GMDS: variants seen among roughly 807,000 people sequenced by gnomAD.
The protein encoded by GMDS is GDP-mannose 4,6 dehydratase.
In GMDS, 20 loss-of-function variants were observed where a neutral mutation model predicts 49.9. That is an observed-to-expected ratio of 0.40 (90% CI 0.28 to 0.58). GMDS has a LOEUF of 0.58. Among genes scored for constraint, GMDS ranks in the 20% least tolerant of loss-of-function variants. The probability of loss-of-function intolerance (pLI) is 0.42; values close to 1 mark genes in which losing one functional copy is unlikely to be tolerated. For missense variants in GMDS, 362 were observed against 481.4 expected (o/e 0.75, Z 2.32); for synonymous variants, 177 against 178.6 (o/e 0.99, Z 0.07).
chr6:1,718,753 T>C (rs1766263819), intron 9 of GMDS, among the ~76,000 whole-genome samples: 1 of 150,196 alleles, frequency 6.7e-6, no homozygotes, highest in African/African-American at 2.4e-5. Context: ...AACTCAACCA[T>C]GTATTTTCAT....
intron 4 of GMDS, among the ~76,000 whole-genome samples, chr6:2,038,058 T>TG (rs922038623): frequency 5.3e-5 from 8 of 152,112 alleles, no homozygotes; most frequent in East Asian, 1.9e-4. Flanking sequence ...TAAAGAGGGT[T>TG]GGGGGGGAGG....
At chr6:2,090,178 T>C (rs1458798770) in intron 4 of GMDS, among the ~76,000 whole-genome samples, 2 of 152,198 alleles carry the variant, frequency 1.3e-5, no homozygotes, top group East Asian at 1.9e-4. Flanking sequence ...TTGTTTTCAA[T>C]AGAAGATTTG....
intron 1 of GMDS, among the ~76,000 whole-genome samples, chr6:2,242,459 C>T (rs572957463): frequency 1.1e-4 from 16 of 152,296 alleles, no homozygotes; most frequent in African/African-American, 3.6e-4. Flanking sequence ...CCTGACAATA[C>T]GTACTAGAGA....
At chr6:1,931,843 C>T (rs1762300536) in intron 6 of GMDS, among the ~76,000 whole-genome samples, 2 of 152,154 alleles carry the variant, frequency 1.3e-5, no homozygotes, top group African/African-American at 4.8e-5. Flanking sequence ...CCTATTCATA[C>T]AATTTATTGA....
intron 7 of GMDS, among the ~76,000 whole-genome samples, chr6:1,790,872 A>C (rs1270153463): frequency 2.0e-5 from 3 of 152,080 alleles, no homozygotes; most frequent in Non-Finnish European, 4.4e-5. Flanking sequence ...CCTAACTCCT[A>C]ATCAGTGACT....
intron 4 of GMDS, among the ~76,000 whole-genome samples, chr6:2,035,741 C>T (rs188551532): frequency 1.5e-3 from 235 of 152,072 alleles, no homozygotes; most frequent in Non-Finnish European, 2.8e-3. Context: ...GGCTGGAGTG[C>T]AATGGTGCAA....
At chr6:1,728,074 G>A (rs922778344) in intron 8 of GMDS, among the ~76,000 whole-genome samples, 13 of 152,278 alleles carry the variant, frequency 8.5e-5, no homozygotes, top group Non-Finnish European at 1.6e-4. Context: ...AAAATTCACC[G>A]GGAAACGGTA....
chr6:2,157,357 T>C (rs998078217), intron 1 of GMDS, among the ~76,000 whole-genome samples: 2 of 152,224 alleles, frequency 1.3e-5, no homozygotes, highest in Non-Finnish European at 2.9e-5. Flanking sequence ...TTTGTCTTCT[T>C]TCTGACTGTG....
chr6:1,687,650 C>A (rs745832720), intron 9 of GMDS, among the ~76,000 whole-genome samples: 3 of 152,040 alleles, frequency 2.0e-5, no homozygotes, highest in Non-Finnish European at 4.4e-5. Context: ...TCCATTCTAG[C>A]GGGAGGAGAG....
At chr6:1,760,998 A>G (rs1286838629) in intron 7 of GMDS, among the ~76,000 whole-genome samples, 1 of 152,172 alleles carries the variant, frequency 6.6e-6, no homozygotes, top group Non-Finnish European at 1.5e-5. Context: ...TAAGAAAACA[A>G]TGATTGTAAC....
intron 7 of GMDS, among the ~76,000 whole-genome samples, chr6:1,799,385 C>T (rs148986107): frequency 3.1e-4 from 47 of 152,304 alleles, no homozygotes; most frequent in Middle Eastern, 3.4e-3. Context: ...CTTGGCAACA[C>T]GGTGCCTTTT....
At chr6:1,642,865 C>T (rs1252661168) in intron 9 of GMDS, among the ~76,000 whole-genome samples, 2 of 152,208 alleles carry the variant, frequency 1.3e-5, no homozygotes, top group Non-Finnish European at 2.9e-5. Flanking sequence ...AGCCGGGCCC[C>T]ACGAAGCCCC....
At chr6:1,655,475 T>TCACACACA (rs1763843270) in intron 9 of GMDS, among the ~76,000 whole-genome samples, 1 of 99,924 alleles carries the variant, frequency 1.0e-5, no homozygotes, top group Non-Finnish European at 2.2e-5. Flanking sequence ...TTTGAAAGCC[T>TCACACACA]TACACACACA....
chr6:1,834,567 TATG>T (rs1489397226), intron 7 of GMDS, among the ~76,000 whole-genome samples: 1 of 152,204 alleles, frequency 6.6e-6, no homozygotes, highest in East Asian at 1.9e-4. Flanking sequence ...GCATCAGAAG[TATG>T]TTAAGCTTTT....
intron 1 of GMDS, among the ~76,000 whole-genome samples, chr6:2,177,096 T>G (rs1266518652): frequency 6.6e-6 from 1 of 152,074 alleles, no homozygotes; most frequent in East Asian, 1.9e-4. Flanking sequence ...AACGCCAGCC[T>G]TGGTAAGCAG....
chr6:1,778,779 G>A lies in GMDS; in HGVS notation c.772-36193C>T, dbSNP rs1768952407. 1.3e-5 allele frequency among the ~76,000 whole-genome samples: 2 copies of A among 152,134 alleles called. No individual in the cohort carries two copies. The highest frequency in any genetic ancestry group is 2.4e-5 in the African/African-American group (1 of 41,430). The stretch of plus-strand genomic sequence containing the variant: ...ACCTCAAAGCTCGTCGACAGCAGCA[G>A]CCTGACCAGTGTGGGCCAGGACTGT... On this transcript the variant is annotated intron_variant, in intron 7 of 10. Coordinates refer to ENST00000380815, the MANE Select transcript of GMDS (RefSeq NM_001500.4). The surrounding 1 kb of genome is among the most constrained non-coding windows in gnomAD (Gnocchi z 4.6).
intron 4 of GMDS, among the ~76,000 whole-genome samples, chr6:2,099,277 C>G (rs1464151882): frequency 2.0e-5 from 3 of 152,112 alleles, no homozygotes; most frequent in Non-Finnish European, 4.4e-5. Context: ...ATAGAAATTT[C>G]TGCAAAGTTG....
chr6:1,998,530 G>A (rs1343007612), intron 4 of GMDS, among the ~76,000 whole-genome samples: 1 of 152,126 alleles, frequency 6.6e-6, no homozygotes, highest in Non-Finnish European at 1.5e-5. Context: ...AATATTAACA[G>A]TCAGCCCTTC....
chr6:1,731,381 G>T (rs779110237), intron 8 of GMDS, among the ~76,000 whole-genome samples: 2 of 152,138 alleles, frequency 1.3e-5, no homozygotes, highest in African/African-American at 4.8e-5. Flanking sequence ...CACCAAAAGG[G>T]TGTCCTCCAA....
Sources: gnomAD v4.1 joint callset for allele counts (sites outside exome capture counted in the v4.1 genomes callset) on GRCh38, gnomAD v4.1.1 for gene constraint, Gnocchi (gnomAD v3.1) non-coding constraint, MANE v1.5 for transcripts, NCBI Gene and HGNC (gene_info 2026-07-23, HGNC 2026-07-21) for gene names.